The following DNM3 variants were observed in gnomAD, a reference collection of about 807,000 sequenced individuals.
DNM3 encodes the protein dynamin 3, also known as dynamin-3.
DNM3 carries 47 observed loss-of-function variants against 101.6 expected under a neutral mutation model. The observed-to-expected ratio is 0.46, with a 90% CI of 0.37 to 0.59. The LOEUF (loss-of-function observed/expected upper bound fraction) is 0.59. DNM3 is among the 20% of genes least tolerant of loss of function. The probability of loss-of-function intolerance (pLI) is 0.00; values close to 1 mark genes in which losing one functional copy is unlikely to be tolerated. For synonymous variants in DNM3, 385 were observed against 387.9 expected (o/e 0.99, Z 0.09); for missense variants, 849 against 1,085.7 (o/e 0.78, Z 3.06).
chr1:171,955,861 A>C (rs949233475), intron 2 of DNM3, among the ~76,000 whole-genome samples: 1 of 152,192 alleles, frequency 6.6e-6, no homozygotes, highest in African/African-American at 2.4e-5. Context: ...TCATGGCAGA[A>C]GGTGAAAGTC....
rs376318071 is a variant in DNM3, at chr1:172,349,753, A to AT, written c.1893+26414dup. Among the ~76,000 whole-genome samples the AT allele has an allele frequency of 1.9e-3, 295 of 152,302 alleles. 1 individual carries two copies. Among genetic ancestry groups the AT allele is most frequent in the African/African-American group, 6.8e-3 (281 of 41,580 alleles). On this transcript the variant is annotated intron_variant, in intron 17 of 20. Transcript: ENST00000627582. Reference sequence around the variant, plus strand: ...ACAATGTTCACTAAGCTTCTAAAGAATCCACATGTTAATTGGATCAGTTTG... The same window carrying AT: ...ACAATGTTCACTAAGCTTCTAAAGAATTCCACATGTTAATTGGATCAGTTTG...
intron 10 of DNM3, among the ~76,000 whole-genome samples, chr1:172,056,326 T>C (rs2050616120): frequency 6.6e-6 from 1 of 152,204 alleles, no homozygotes; most frequent in Admixed American, 6.5e-5. Flanking sequence ...AAGCTCGAAC[T>C]GGGTGGAGCC....
chr1:172,165,161 T>C (rs1412865723), intron 14 of DNM3, among the ~76,000 whole-genome samples: 1 of 152,064 alleles, frequency 6.6e-6, no homozygotes, highest in Non-Finnish European at 1.5e-5. Context: ...CCTGATTCCT[T>C]TTTCAAAAAT....
intron 16 of DNM3, among the ~76,000 whole-genome samples, chr1:172,311,478 C>A (rs1400782784): frequency 6.6e-6 from 1 of 152,184 alleles, no homozygotes; most frequent in Non-Finnish European, 1.5e-5. Flanking sequence ...CACGGTGGCA[C>A]ACACCTGTGA....
At chr1:171,875,364 G>T (rs907349982) in intron 1 of DNM3, among the ~76,000 whole-genome samples, 1 of 152,100 alleles carries the variant, frequency 6.6e-6, no homozygotes, top group Non-Finnish European at 1.5e-5. Flanking sequence ...TTATTACTTT[G>T]TCTGAATTGT....
chr1:172,184,054 T>G (rs1362719208), intron 14 of DNM3, among the ~76,000 whole-genome samples: 1 of 152,046 alleles, frequency 6.6e-6, no homozygotes, highest in Non-Finnish European at 1.5e-5. Context: ...CTTGGATTAG[T>G]TGCTTTATCT....
At chr1:172,073,386 C>T (rs1353521130) in intron 11 of DNM3, among the ~76,000 whole-genome samples, 1 of 151,762 alleles carries the variant, frequency 6.6e-6, no homozygotes, top group Non-Finnish European at 1.5e-5. Flanking sequence ...CATATATATG[C>T]ATATAGGTAT....
intron 1 of DNM3, among the ~76,000 whole-genome samples, chr1:171,850,457 G>A (rs2032798174): frequency 2.0e-5 from 3 of 152,048 alleles, no homozygotes; most frequent in Non-Finnish European, 4.4e-5. Context: ...TATGTTTTCT[G>A]GTTAATAAAA....
At chr1:171,970,115 C>T (rs2043883932) in intron 2 of DNM3, 1 of 286,558 alleles carries the variant, frequency 3.5e-6, no homozygotes, top group Non-Finnish European at 5.2e-6. Flanking sequence ...TAGATAGTTC[C>T]TTCCTTCTGC....
intron 1 of DNM3, among the ~76,000 whole-genome samples, chr1:171,906,308 T>G (rs1343832003): frequency 6.6e-6 from 1 of 151,938 alleles, no homozygotes; most frequent in Admixed American, 6.6e-5. Context: ...TTAAATTTTT[T>G]GTATAGATGG....
chr1:171,872,279 T>C (rs1331537271), intron 1 of DNM3, among the ~76,000 whole-genome samples: 4 of 152,212 alleles, frequency 2.6e-5, no homozygotes, highest in Non-Finnish European at 5.9e-5. Flanking sequence ...AATTACCAAA[T>C]GGTATATTTT....
intron 2 of DNM3, among the ~76,000 whole-genome samples, chr1:171,986,442 GA>G (rs1036434401): frequency 2.0e-5 from 3 of 152,060 alleles, no homozygotes; most frequent in African/African-American, 7.2e-5. Flanking sequence ...GTGTATGTAA[GA>G]CTCTTTTATC....
At chr1:171,922,150 TGTGTGC>T (rs200122987) in intron 2 of DNM3, among the ~76,000 whole-genome samples, 3,004 of 95,426 alleles carry the variant, frequency 0.031, 30 homozygotes, top group African/African-American at 0.058. Context: ...TGTGTGTGTG[TGTGTGC>T]GTATGTGTGC....
At chr1:171,896,038 G>A (rs1311535918) in intron 1 of DNM3, among the ~76,000 whole-genome samples, 2 of 152,118 alleles carry the variant, frequency 1.3e-5, no homozygotes, top group Non-Finnish European at 2.9e-5. Flanking sequence ...TTTGGTTACC[G>A]TAGCCTTGTA....
At chr1:172,138,106 A>G (rs1460913900) in intron 14 of DNM3, 1 of 152,154 alleles carries the variant, frequency 6.6e-6, no homozygotes, top group Non-Finnish European at 1.5e-5. Flanking sequence ...GCAGTCATAA[A>G]TTTATGTATA....
chr1:171,879,491 T>G (rs552592011), intron 1 of DNM3, among the ~76,000 whole-genome samples: 77 of 152,146 alleles, frequency 5.1e-4, no homozygotes, highest in Non-Finnish European at 9.3e-4. Flanking sequence ...ATTTTATCAC[T>G]TAGAAGTCAG....
chr1:172,166,464 G>A (rs1424764315), intron 14 of DNM3, among the ~76,000 whole-genome samples: 1 of 151,954 alleles, frequency 6.6e-6, no homozygotes, highest in Non-Finnish European at 1.5e-5. Flanking sequence ...AGGTACTACA[G>A]ATATATACAA....
In DNM3 at chr1:172,058,745, A is replaced by G. The variant is rs1474861137; in HGVS notation, c.1335+9995A>G. On this transcript the variant is annotated intron_variant, in intron 10 of 20. Coordinates refer to ENST00000627582, the MANE Select transcript of DNM3 (RefSeq NM_015569.5). ...CTAAATGCCCACAAGAGAAAGCAGGAAAGATCCAAAATTGACACCCTAACA... is the reference window on the plus strand; with the variant it reads ...CTAAATGCCCACAAGAGAAAGCAGGGAAGATCCAAAATTGACACCCTAACA... 1.8e-4 allele frequency among the ~76,000 whole-genome samples: 27 copies of G among 151,760 alleles called. No individual in the cohort carries two copies. The East Asian group carries it at 4.3e-3, about 24-fold the overall frequency.
intron 4 of DNM3, among the ~76,000 whole-genome samples, chr1:172,007,998 G>A (rs539655929): frequency 1.3e-5 from 2 of 151,992 alleles, no homozygotes; most frequent in East Asian, 1.9e-4. Flanking sequence ...CTATTTGTAC[G>A]TCTTCTTTTG....
Sources: gnomAD v4.1 joint callset for allele counts (sites outside exome capture counted in the v4.1 genomes callset) on GRCh38, gnomAD v4.1.1 for gene constraint, MANE v1.5 for transcripts, NCBI Gene and HGNC (gene_info 2026-07-23, HGNC 2026-07-21) for gene names.